Variants in MARCHF7 observed in about 807,000 individuals in gnomAD.
MARCHF7 encodes membrane associated ring-CH-type finger 7.
Under a neutral mutation model 76.5 loss-of-function variants are expected in MARCHF7, and 20 were observed. The observed-to-expected ratio is 0.26, with a 90% confidence interval of 0.18 to 0.38. MARCHF7 has a LOEUF of 0.38. Ranked by LOEUF, MARCHF7 falls within the 10% of genes least tolerant of loss-of-function variation. The probability of loss-of-function intolerance (pLI) is 1.00; values close to 1 mark genes in which losing one functional copy is unlikely to be tolerated. For synonymous variants in MARCHF7, 295 were observed against 293.0 expected (o/e 1.01, Z -0.07); for missense variants, 797 against 812.9 (o/e 0.98, Z 0.24).
chr2:159,769,665 C>T lies in MARCHF7; in HGVS notation c.*2323C>T, dbSNP rs1268177379. ...CATCATATATATATATATAGCACTT[C>T]ATTACCAGAGGCCTCTTGGCCTGTT... is the stretch of plus-strand genomic sequence containing the variant. On this transcript the variant is annotated 3_prime_UTR_variant, in exon 12 of 12. Transcript: ENST00000409175. 1 of 150,410 alleles carries T rather than the reference C, an allele frequency of 6.6e-6. No homozygotes were observed. The highest frequency in any genetic ancestry group is 1.5e-5 in the Non-Finnish European group (1 of 67,856). The allele number at this position is 150,410 out of a possible 1,614,324, so 9.3% of individuals were successfully genotyped here.
At chr2:159,732,922 T>C in intron 4 of MARCHF7, 1 of 985,266 alleles carries the variant, frequency 1.0e-6, no homozygotes, top group African/African-American at 1.7e-5. Context: ...AGATGTAAGA[T>C]GAACAAGATT....
At chr2:159,764,212 T>TTG (rs377705664) in intron 10 of MARCHF7, among the ~76,000 whole-genome samples, 3,361 of 138,580 alleles carry the variant, frequency 0.024, 54 homozygotes, top group African/African-American at 0.048. Context: ...CTTGGGAGTT[T>TTG]TGTGTGTGTG....
chr2:159,723,912 C>G (rs1385934582), intron 3 of MARCHF7, among the ~76,000 whole-genome samples: 1 of 152,164 alleles, frequency 6.6e-6, no homozygotes, highest in Non-Finnish European at 1.5e-5. Flanking sequence ...ACTTCTGCTA[C>G]CTGAGGTCCT....
At chr2:159,730,140 ACT>A (rs1702612544) in intron 4 of MARCHF7, among the ~76,000 whole-genome samples, 1 of 151,758 alleles carries the variant, frequency 6.6e-6, no homozygotes, top group Non-Finnish European at 1.5e-5. Context: ...GGCTCAAATG[ACT>A]CTCCCACCTC....
At chr2:159,722,516 C>A (rs952549507) in intron 3 of MARCHF7, among the ~76,000 whole-genome samples, 2 of 152,176 alleles carry the variant, frequency 1.3e-5, no homozygotes, top group African/African-American at 2.4e-5. Flanking sequence ...ACTACAATTT[C>A]TTTACAGGCA....
intron 4 of MARCHF7, among the ~76,000 whole-genome samples, chr2:159,729,896 C>A (rs1042771732): frequency 1.3e-5 from 2 of 152,128 alleles, no homozygotes; most frequent in African/African-American, 4.8e-5. Context: ...GAGATTATAA[C>A]TTCTAAATAT....
At position 159,762,894 on chromosome 2, in the gene MARCHF7, T is replaced by C. The variant is rs1472599252; in HGVS notation, c.1908T>C (p.Phe636=). The C allele has an allele frequency of 1.1e-5, 18 of 1,607,660 alleles. No individual in the cohort carries two copies. Among genetic ancestry groups the C allele is most frequent in the Non-Finnish European group, 1.4e-5 (17 of 1,177,688 alleles). Residue 636 remains phenylalanine (F), a synonymous_variant, in exon 10 of 12, where the codon TTT becomes TTC. Coordinates refer to ENST00000409175, the MANE Select transcript of MARCHF7 (RefSeq NM_001282805.2). The part of the protein sequence containing the change: ...AHANEQAEYE[F]ISSGLYLVVL... ...CCCTGTTGAAGGCTGAGTATGAGTTTATCAGCTCTGGTCTCTACCTAGTGG... is the reference window on the plus strand; with the variant it reads ...CCCTGTTGAAGGCTGAGTATGAGTTCATCAGCTCTGGTCTCTACCTAGTGG...
chr2:159,752,604 T>A lies in MARCHF7; in HGVS notation c.1783+33T>A, dbSNP rs1471780412. On this transcript the variant is annotated intron_variant, in intron 8 of 11. Coordinates refer to ENST00000409175, the MANE Select transcript of MARCHF7 (RefSeq NM_001282805.2). ...TTACCCTTTTGTGTTTTCACAATTT[T>A]TCTAAGAGATGCATGTATGTATGCG... 3.5e-6 allele frequency: 5 copies of A among 1,426,746 alleles called. No homozygotes were observed. In the African/African-American group the frequency reaches 4.4e-5, roughly 13 times the overall value. The allele number at this position is 1,426,746 out of a possible 1,614,324, so 88.4% of individuals were successfully genotyped here.
intron 3 of MARCHF7, among the ~76,000 whole-genome samples, chr2:159,718,789 C>G (rs938331969): frequency 2.6e-5 from 4 of 151,916 alleles, no homozygotes; most frequent in African/African-American, 9.7e-5. Flanking sequence ...TTCATAGTAC[C>G]CCAAATTCTA....
chr2:159,766,642 G>A (rs547338810), intron 11 of MARCHF7, among the ~76,000 whole-genome samples: 6 of 152,190 alleles, frequency 3.9e-5, no homozygotes, highest in South Asian at 2.1e-4. Context: ...ATAAATTGAG[G>A]TCAGAAATGT....
intron 4 of MARCHF7, among the ~76,000 whole-genome samples, chr2:159,742,650 A>AG (rs1465276865): frequency 1.3e-5 from 2 of 152,204 alleles, no homozygotes; most frequent in Admixed American, 1.3e-4. Context: ...AGACTAAAGA[A>AG]GAACTACATG....
intron 5 of MARCHF7, among the ~76,000 whole-genome samples, chr2:159,744,549 C>T (rs555691151): frequency 2.6e-5 from 4 of 152,230 alleles, no homozygotes; most frequent in African/African-American, 9.6e-5. Context: ...GGAGCCAAAA[C>T]TTGTGGTGAC....
At chr2:159,758,036 G>C (rs941837947) in intron 8 of MARCHF7, among the ~76,000 whole-genome samples, 4 of 152,270 alleles carry the variant, frequency 2.6e-5, no homozygotes, top group African/African-American at 9.6e-5. Context: ...GCTCCTTGAA[G>C]GCAGGGCCTA....
chr2:159,756,793 A>G (rs1706383093), intron 8 of MARCHF7, among the ~76,000 whole-genome samples: 1 of 151,828 alleles, frequency 6.6e-6, no homozygotes. Flanking sequence ...GTAAAATTGA[A>G]TAATACCTCA....
intron 3 of MARCHF7, among the ~76,000 whole-genome samples, chr2:159,720,871 C>T (rs1454906077): frequency 6.6e-6 from 1 of 152,044 alleles, no homozygotes; most frequent in African/African-American, 2.4e-5. Flanking sequence ...TTTCCGCAAC[C>T]GCTCAAGACA....
At chr2:159,727,621 C>T (rs7589771) in intron 3 of MARCHF7, among the ~76,000 whole-genome samples, 70,161 of 152,008 alleles carry the variant, frequency 0.46, 18,080 homozygotes, top group African/African-American at 0.7. Context: ...ATAGTAGTAA[C>T]GTGCTTATAG....
intron 2 of MARCHF7, among the ~76,000 whole-genome samples, chr2:159,715,409 GT>G (rs1258989584): frequency 2.0e-5 from 3 of 152,066 alleles, no homozygotes; most frequent in Admixed American, 6.6e-5. Flanking sequence ...GTCTCACTCT[GT>G]TTTTTAGGCT....
chr2:159,764,210 TTTTGTGTGTGTGTG>T (rs1205411593), intron 10 of MARCHF7, among the ~76,000 whole-genome samples: 17 of 103,326 alleles, frequency 1.6e-4, no homozygotes, highest in Non-Finnish European at 3.4e-4. Context: ...TTCTTGGGAG[TTTTGTGTGTGTGTG>T]TGTGTGTGTG....
At chr2:159,754,472 A>G (rs1026717856) in intron 8 of MARCHF7, among the ~76,000 whole-genome samples, 1 of 152,158 alleles carries the variant, frequency 6.6e-6, no homozygotes, top group Non-Finnish European at 1.5e-5. Context: ...AGAGAAAAGG[A>G]GGTAAGAAAG....
Sources: allele counts gnomAD v4.1 joint callset (sites outside exome capture counted in the v4.1 genomes callset), GRCh38; gene constraint gnomAD v4.1.1; transcripts MANE v1.5; gene names NCBI Gene and HGNC (gene_info 2026-07-23, HGNC 2026-07-21).